The following ASTL variants were observed in gnomAD, a reference collection of about 807,000 sequenced individuals.
ASTL encodes astacin-like metalloendopeptidase.
Under a neutral mutation model 36.7 loss-of-function variants are expected in ASTL, and 27 were observed. That is an observed-to-expected ratio of 0.73 (90% confidence interval 0.54 to 1.01). The LOEUF (loss-of-function observed/expected upper bound fraction) is 1.01, where lower values mean the gene tolerates loss of function less well. ASTL is among the 50% of genes least tolerant of loss of function. The pLI is 0.00. For synonymous variants in ASTL, 222 were observed against 228.1 expected, an observed-to-expected ratio of 0.97 and a Z score of 0.24; for missense variants, 524 against 572.8, an observed-to-expected ratio of 0.91 and a Z score of 0.87.
At chr2:96,137,792 A>G in intron 1 of ASTL, 92 bp from the exon 2 acceptor site, 1 of 1,325,058 alleles carries the variant, frequency 7.5e-7, no homozygotes, top group Non-Finnish European at 1.0e-6. Flanking sequence ...GGGGGATCAG[A>G]CGGTAAGACT....
rs749035810 is a variant in ASTL, at chr2:96,124,221, G to A, written c.925C>T (p.Leu309=). Residue 309 remains leucine, a synonymous_variant, in exon 9 of 9, where the codon CTG becomes TTG. Coordinates refer to ENST00000342380, the MANE Select transcript of ASTL (RefSeq NM_001002036.4). The surrounding 1 kb of genome is among the most constrained non-coding windows in gnomAD (Gnocchi z 4.1). ...GRSPAPASLS[L]QRLLEALSAE... The stretch of plus-strand genomic sequence containing the variant: ...GACAGTGCCTCCAAAAGCCGCTGCA[G>A]AGATAGGGAGGCCGGAGCGGGGCTC... The A allele has an allele frequency of 4.6e-6, 7 of 1,518,658 alleles. No homozygotes were observed. The highest frequency in any genetic ancestry group is 6.2e-6 in the Non-Finnish European group (7 of 1,135,404). 94.1% of individuals were successfully genotyped at this position (1,518,658 alleles called of 1,614,324 possible). A position where few individuals can be genotyped will look rare whatever the true frequency, so the allele number is the denominator to read the frequency against.
Position 96,132,398 on chromosome 2 carries a change from G to A in ASTL, c.637+142C>T. ...TCCAGGTACCAGGTACCAGACAGAA[G>A]TGAGACCCCCACCTTCCCCACAGGA... On this transcript the variant is annotated intron_variant, in intron 6 of 8. Transcript: ENST00000342380. The surrounding 1 kb of genome is among the most constrained non-coding windows in gnomAD (Gnocchi z 5.4). 1.3e-6 allele frequency: 1 copy of A among 750,646 alleles called. No homozygotes were observed. Among genetic ancestry groups the A allele is most frequent in the Non-Finnish European group, 2.1e-6 (1 of 478,616 alleles). The allele number at this position is 750,646 out of a possible 1,614,324, so 46.5% of individuals were successfully genotyped here. A position where few individuals can be genotyped will look rare whatever the true frequency, so the allele number is the denominator to read the frequency against.
chr2:96,138,101 C>T (rs989149068), intron 1 of ASTL, among the ~76,000 whole-genome samples: 1 of 152,178 alleles, frequency 6.6e-6, no homozygotes, highest in East Asian at 1.9e-4. Context: ...CCTGCCTGAC[C>T]AGGCTGGAGT....
rs1033361405 is a variant in ASTL at position 96,124,848 on chromosome 2, C to A, written c.875-577G>T. Among the ~76,000 whole-genome samples the A allele has an allele frequency of 2.6e-5, 4 of 152,158 alleles. No homozygotes were observed. The highest frequency in any genetic ancestry group is 7.2e-5 in the African/African-American group (3 of 41,442). On this transcript the variant is annotated intron_variant, in intron 8 of 8. Transcript: ENST00000342380. This position sits in a 1 kb window ranked among gnomAD's most constrained non-coding sequence, Gnocchi z 4.1. ...CTGCCTCCCATCCCAGTTCCTCCTG[C>A]GCATGCAGCGAGGGCTTCACCAGGA...
At chr2:96,133,181 C>T (rs1247490577) in intron 5 of ASTL, among the ~76,000 whole-genome samples, 2 of 152,204 alleles carry the variant, frequency 1.3e-5, no homozygotes, top group African/African-American at 4.8e-5. Flanking sequence ...ACCTCCTCTC[C>T]TCACCACCTC....
Position 96,126,560 on chromosome 2 carries a change from C to T in ASTL, c.875-2289G>A, listed in dbSNP as rs1372751084. Among the ~76,000 whole-genome samples the T allele has an allele frequency of 2.6e-5, 4 of 152,214 alleles. No individual in the cohort carries two copies. The Middle Eastern group carries it at 0.01, about 388-fold the overall frequency. On this transcript the variant is annotated intron_variant, in intron 8 of 8. Coordinates refer to ENST00000342380, the MANE Select transcript of ASTL (RefSeq NM_001002036.4). The stretch of plus-strand genomic sequence containing the variant: ...ACCGCTGGTGGGAATAAAAATGGTG[C>T]ATCCACTTGAAAATATCTTAGGCAC...
In ASTL at chr2:96,124,387, C is replaced by CT. The variant is rs1189421065; in HGVS notation, c.875-117dup. Reference sequence around the variant, plus strand: ...GAGTGGTGCCCACCCATGCCACGGCCTAGTGCATCCAAGACCCAGATTCCC... The same window carrying CT: ...GAGTGGTGCCCACCCATGCCACGGCCTTAGTGCATCCAAGACCCAGATTCCC... On this transcript the variant is annotated intron_variant, in intron 8 of 8. Transcript: ENST00000342380. The surrounding 1 kb of genome is among the most constrained non-coding windows in gnomAD (Gnocchi z 4.1). The CT allele has an allele frequency of 1.1e-6, 1 of 908,146 alleles. No homozygotes were observed. The highest frequency in any genetic ancestry group is 3.6e-5 in the Admixed American group (1 of 27,912). 56.3% of individuals were successfully genotyped at this position (908,146 alleles called of 1,614,324 possible). A position where few individuals can be genotyped will look rare whatever the true frequency, so the allele number is the denominator to read the frequency against.
In ASTL at chr2:96,137,683, G is replaced by C; in HGVS notation, c.73C>G (p.Pro25Ala). ...GCTCCTGCGCAGCTGGAGGCCAGGG[G>C]CGCTCCTAGGATCACACCTGGTCCA... ...LSLPGVILGAPLASSCAGACG... is the reference protein window; with the variant it reads ...LSLPGVILGAALASSCAGACG... Residue 25 changes from proline (P) to alanine (A), a missense_variant, in exon 2 of 9, where the codon CCC becomes GCC. Pro to Ala is a conservative substitution (Grantham distance 27). Coordinates refer to ENST00000342380, the MANE Select transcript of ASTL (RefSeq NM_001002036.4). 6.2e-7 allele frequency: 1 copy of C among 1,613,134 alleles called. No individual in the cohort carries two copies. The highest frequency in any genetic ancestry group is 8.5e-7 in the Non-Finnish European group (1 of 1,179,680).
chr2:96,130,432 G>A (rs548006531), intron 6 of ASTL, among the ~76,000 whole-genome samples: 137 of 152,284 alleles, frequency 9.0e-4, no homozygotes, highest in African/African-American at 3.1e-3. Context: ...CAGTCTGCAC[G>A]GGGCTGGTCT....
chr2:96,135,446 C>A (rs375074901), intron 2 of ASTL, 34 bp from the exon 3 acceptor site: 109 of 1,604,472 alleles, frequency 6.8e-5, no homozygotes, highest in Admixed American at 2.7e-4. Context: ...TGGCCCATGT[C>A]CCCCAGAACA....
intron 8 of ASTL, among the ~76,000 whole-genome samples, chr2:96,129,177 ATTAT>A (rs1301763605): frequency 1.3e-5 from 2 of 152,346 alleles, no homozygotes; most frequent in African/African-American, 4.8e-5. Context: ...ATATTTAAGT[ATTAT>A]TTAACGATTT....
chr2:96,131,795 C>A (rs149757656), intron 6 of ASTL, among the ~76,000 whole-genome samples: 3 of 152,296 alleles, frequency 2.0e-5, no homozygotes, highest in East Asian at 3.9e-4. Flanking sequence ...CCTCCACCTG[C>A]GGTAGGCCTT....
intron 4 of ASTL, 114 bp from the exon 5 acceptor site, chr2:96,133,656 C>A (rs1484971265): frequency 3.7e-6 from 3 of 806,866 alleles, no homozygotes; most frequent in Non-Finnish European, 6.3e-6. Context: ...CAAGAAAGGG[C>A]AGCTTAGTGG....
In ASTL at chr2:96,130,133, T is replaced by C. The variant is rs1052922960; in HGVS notation, c.650A>G (p.Asn217Ser). The C allele has an allele frequency of 2.5e-6, 4 of 1,613,416 alleles. No individual in the cohort carries two copies. The African/African-American group carries it at 5.3e-5, about 22-fold the overall frequency. Residue 217 changes from asparagine to serine, a missense_variant, in exon 7 of 9, where the codon AAC becomes AGC. Coordinates refer to ENST00000342380, the MANE Select transcript of ASTL (RefSeq NM_001002036.4). ...GTTGCTGCTCTGAGACTTGATGAAG[T>C]TGATTTCAAAGCCTAAAAATACAAA... ...WNEILPGFEINFIKSQSSNML... is the reference protein window; with the variant it reads ...WNEILPGFEISFIKSQSSNML...
chr2:96,132,383 A>C lies in ASTL; in HGVS notation c.637+157T>G, dbSNP rs1255660313. Among the ~76,000 whole-genome samples, 1 of 152,192 alleles carries C rather than the reference A, an allele frequency of 6.6e-6. No homozygotes were observed. Among genetic ancestry groups the C allele is most frequent in the Non-Finnish European group, 1.5e-5 (1 of 68,004 alleles). On this transcript the variant is annotated intron_variant, in intron 6 of 8. Coordinates refer to ENST00000342380, the MANE Select transcript of ASTL (RefSeq NM_001002036.4). This position sits in a 1 kb window ranked among gnomAD's most constrained non-coding sequence, Gnocchi z 5.4. ...ACCCAGAGTACCACCTCCAGGTACC[A>C]GGTACCAGACAGAAGTGAGACCCCC...
chr2:96,133,531 G>T lies in ASTL; in HGVS notation c.349C>A (p.Arg117Ser), dbSNP rs201988093. 2.9e-5 allele frequency: 46 copies of T among 1,613,760 alleles called. No homozygotes were observed. The highest frequency in any genetic ancestry group is 3.6e-5 in the Non-Finnish European group (43 of 1,179,762). Residue 117 changes from arginine to serine, a missense_variant, in exon 5 of 9, where the codon CGC (arginine) becomes AGC (serine). Coordinates refer to ENST00000342380, the MANE Select transcript of ASTL (RefSeq NM_001002036.4). ...GCAAGAGCCTCCAGGATGACCTGGCGGCTGGGCTCATCTGGAAGACACCAC... is the reference window on the plus strand; with the variant it reads ...GCAAGAGCCTCCAGGATGACCTGGCTGCTGGGCTCATCTGGAAGACACCAC... ...LLSSKYDEPS[R>S]QVILEALAEF...
intron 8 of ASTL, among the ~76,000 whole-genome samples, chr2:96,125,934 G>A (rs1286392267): frequency 1.3e-5 from 2 of 151,796 alleles, no homozygotes; most frequent in East Asian, 3.9e-4. Context: ...TAGATGTTTA[G>A]TACAGTAAAA....
Position 96,129,848 on chromosome 2 carries a change from T to C in ASTL, c.850A>G (p.Ser284Gly). 6.3e-7 allele frequency: 1 copy of C among 1,575,024 alleles called. No individual in the cohort carries two copies. The highest frequency in any genetic ancestry group is 8.6e-7 in the Non-Finnish European group (1 of 1,157,514). Reference sequence around the variant, plus strand: ...CCTCTCCCACGGGGCCTGGGGCCACTTGGGCTGCAGCCGTAGAGTTTGAGG... The same window carrying C: ...CCTCTCCCACGGGGCCTGGGGCCACCTGGGCTGCAGCCGTAGAGTTTGAGG... ...RVLKLYGCSP[S>G]GPRPRGRGSH... The change falls in exon 8 of 9, where the codon AGT (serine) becomes GGT (glycine). Residue 284 changes from serine (S) to glycine (G), a missense_variant. Physicochemically the swap from Ser to Gly is moderately conservative, Grantham distance 56 (BLOSUM62 0). Coordinates refer to ENST00000342380, the MANE Select transcript of ASTL (RefSeq NM_001002036.4).
In ASTL at chr2:96,132,764, T is replaced by C; in HGVS notation, c.456-43A>G. ...CAAGTGGGGTAAGTGCCAGCCCAGA[T>C]CCCTCCGGACATACAGACCTGGGCT... On this transcript the variant is annotated intron_variant, in intron 5 of 8. Coordinates refer to ENST00000342380, the MANE Select transcript of ASTL (RefSeq NM_001002036.4). The surrounding 1 kb of genome is among the most constrained non-coding windows in gnomAD (Gnocchi z 5.4). 1 of 1,568,034 alleles carries C rather than the reference T, an allele frequency of 6.4e-7. No homozygotes were observed. Among genetic ancestry groups the C allele is most frequent in the Non-Finnish European group, 8.7e-7 (1 of 1,147,688 alleles).
Sources: allele counts gnomAD v4.1 joint callset (sites outside exome capture counted in the v4.1 genomes callset), GRCh38; gene constraint gnomAD v4.1.1; non-coding constraint Gnocchi (gnomAD v3.1); transcripts MANE v1.5; gene names NCBI Gene and HGNC (gene_info 2026-07-23, HGNC 2026-07-21).